JAG1: variants seen among roughly 807,000 people sequenced by gnomAD.
JAG1 encodes the protein protein jagged-1.
A neutral mutation model predicts 148.7 loss-of-function variants in JAG1; 23 were observed. That is an observed-to-expected ratio of 0.15 (90% CI 0.11 to 0.22). The LOEUF is 0.22. Among genes scored for constraint, JAG1 ranks in the 10% least tolerant of loss-of-function variants. JAG1 has a pLI of 1.00. For missense variants in JAG1, 1,054 were observed against 1,611.2 expected, an observed-to-expected ratio of 0.65 and a Z score of 5.92; for synonymous variants, 572 against 598.3, an observed-to-expected ratio of 0.96 and a Z score of 0.64.
chr20:10,673,411 G>C lies in JAG1; in HGVS notation c.81+39C>G. 1 of 1,382,434 alleles carries C rather than the reference G, an allele frequency of 7.2e-7. No individual in the cohort carries two copies. Among genetic ancestry groups the C allele is most frequent in the Non-Finnish European group, 9.6e-7 (1 of 1,043,334 alleles). The allele number at this position is 1,382,434 out of a possible 1,614,324, so 85.6% of individuals were successfully genotyped here. On this transcript the variant is annotated intron_variant, in intron 1 of 25. Transcript: ENST00000254958. The surrounding 1 kb of genome is among the most constrained non-coding windows in gnomAD (Gnocchi z 4.7). Reference sequence around the variant, plus strand: ...GCCCAGGGCGCCGCGAGGGGAGGGAGAGGACGGCTGGGAGGGAGGCCCGGA... The same window carrying C: ...GCCCAGGGCGCCGCGAGGGGAGGGACAGGACGGCTGGGAGGGAGGCCCGGA...
Position 10,642,374 on chromosome 20 carries a change from C to T in JAG1, c.2572+114G>A, listed in dbSNP as rs918363663. On this transcript the variant is annotated intron_variant, in intron 21 of 25. Transcript: ENST00000254958. ...TCACGTTCCCTTTCCCTTGTAGTCC[C>T]ACTGTGTGTTCCCTTCCCTGAGCAC... is the stretch of plus-strand genomic sequence containing the variant. 7.3e-6 allele frequency: 5 copies of T among 683,830 alleles called. No individual in the cohort carries two copies. The African/African-American group carries it at 9.5e-5, about 13-fold the overall frequency. The allele number at this position is 683,830 out of a possible 1,614,324, so 42.4% of individuals were successfully genotyped here. A position where few individuals can be genotyped will look rare whatever the true frequency, so the allele number is the denominator to read the frequency against.
rs1366947085 is a variant in JAG1, at chr20:10,648,906, G to A, written c.1395+155C>T. The A allele has an allele frequency of 3.1e-5, 27 of 875,340 alleles. No individual in the cohort carries two copies. The Admixed American group carries it at 5.5e-4, about 18-fold the overall frequency. 54.2% of individuals were successfully genotyped at this position (875,340 alleles called of 1,614,324 possible). On this transcript the variant is annotated intron_variant, in intron 11 of 25. Coordinates refer to ENST00000254958, the MANE Select transcript of JAG1 (RefSeq NM_000214.3). Reference sequence around the variant, plus strand: ...CATGCCTTCAAAATGACTCCCACGAGGCTGGGGTAACATAAGCCCTAGCGA... The same window carrying A: ...CATGCCTTCAAAATGACTCCCACGAAGCTGGGGTAACATAAGCCCTAGCGA...
chr20:10,651,723 G>A, intron 7 of JAG1, 29 bp from the exon 8 acceptor site: 1 of 1,417,964 alleles, frequency 7.1e-7, no homozygotes, highest in Non-Finnish European at 1.0e-6. Context: ...CAGTCAGAGA[G>A]GGATGCCTGC....
rs369078424 is a variant in JAG1 at position 10,639,484 on chromosome 20, G to A, written c.*14C>T. 5 of 1,610,660 alleles carry A rather than the reference G, an allele frequency of 3.1e-6. No homozygotes were observed. The African/African-American group carries it at 6.7e-5, about 22-fold the overall frequency. On this transcript the variant is annotated 3_prime_UTR_variant, in exon 26 of 26. Transcript: ENST00000254958. ...CCTCAGACTCTACCTAGCGGCGGCA[G>A]TGCCCGCGGTCTGCTATACGATGTA... is the stretch of plus-strand genomic sequence containing the variant.
At chr20:10,650,633 A>G (rs2067339606) in intron 8 of JAG1, 1 of 466,660 alleles carries the variant, frequency 2.1e-6, no homozygotes, top group East Asian at 4.1e-5. Context: ...CCCAGGAGGA[A>G]CACAGGACAT....
chr20:10,663,967 G>T lies in JAG1; in HGVS notation c.435C>A (p.Thr145=), dbSNP rs747879633. The part of the protein sequence containing the change: ...LVEAWDSSND[T]VQPDSIIEKA... ...GTCCACAGAAGCGATACTTACGAAC[G>T]GTGTCATTACTGGAATCCCACGCCT... The change falls in exon 3 of 26, where the codon ACC becomes ACA. Residue 145 remains threonine, a synonymous_variant. Transcript: ENST00000254958. 3.7e-6 allele frequency: 6 copies of T among 1,613,114 alleles called. No homozygotes were observed. In the South Asian group the frequency reaches 5.5e-5, roughly 15 times the overall value.
At chr20:10,646,870 CCAGGGGCAGAGG>C in intron 14 of JAG1, 57 bp downstream of exon 14, 1 of 1,463,544 alleles carries the variant, frequency 6.8e-7, no homozygotes. Context: ...CCAGGGTGGG[CCAGGGGCAGAGG>C]CAGGGGCAGG....
chr20:10,640,905 T>C lies in JAG1; in HGVS notation c.3077A>G (p.Asn1026Ser). 1 of 1,614,174 alleles carries C rather than the reference T, an allele frequency of 6.2e-7. No individual in the cohort carries two copies. Among genetic ancestry groups the C allele is most frequent in the Non-Finnish European group, 8.5e-7 (1 of 1,180,018 alleles). The change falls in exon 25 of 26, where the codon AAC becomes AGC. Residue 1026 changes from asparagine (N) to serine (S), a missense_variant. By Grantham distance (46) the Asn-to-Ser change is conservative. Coordinates refer to ENST00000254958, the MANE Select transcript of JAG1 (RefSeq NM_000214.3). ...TTTGTCAGTGATTTCCTTGATCGGG[T>C]TCCCATCATCCCGTATATCTTCAGC... ...ISAEDIRDDG[N>S]PIKEITDKII... is the part of the protein sequence containing the mutation.
At chr20:10,648,421 C>A in intron 12 of JAG1, 128 bp downstream of exon 12, 1 of 824,424 alleles carries the variant, frequency 1.2e-6, no homozygotes, top group Non-Finnish European at 2.1e-6. Context: ...GAGACTCTCT[C>A]ATCAATAGGA....
chr20:10,649,477 C>T, intron 10 of JAG1, 45 bp downstream of exon 10: 1 of 1,257,468 alleles, frequency 8.0e-7, no homozygotes. Context: ...AGCAAGTCGG[C>T]TACCCAAGTT....
chr20:10,642,654 G>C (rs1256869742), intron 20 of JAG1, 53 bp from the exon 21 acceptor site: 1 of 1,075,394 alleles, frequency 9.3e-7, no homozygotes, highest in East Asian at 2.4e-5. Flanking sequence ...GCAATGTTTT[G>C]AGATTGTTTT....
chr20:10,646,148 TC>T, intron 14 of JAG1, 64 bp from the exon 15 acceptor site: 1 of 1,185,530 alleles, frequency 8.4e-7, no homozygotes, highest in South Asian at 1.2e-5. Flanking sequence ...CAAGCACTGT[TC>T]AGCAGTTTTC....
rs2067332522 is a variant in JAG1 at position 10,649,604 on chromosome 20, T to A, written c.1266A>T (p.Val422=). ...TGAGATTCTTACAGGATTTGGCGTTTACACAAGGTTTGGCCTCACATTCAT... is the reference window on the plus strand; with the variant it reads ...TGAGATTCTTACAGGATTTGGCGTTAACACAAGGTTTGGCCTCACATTCAT... ...DANECEAKPC[V]NAKSCKNLIA... The change falls in exon 10 of 26, where the codon GTA becomes GTT. Residue 422 remains valine (V), a synonymous_variant. Coordinates refer to ENST00000254958, the MANE Select transcript of JAG1 (RefSeq NM_000214.3). The A allele has an allele frequency of 1.2e-6, 2 of 1,613,710 alleles. No individual in the cohort carries two copies. Among genetic ancestry groups the A allele is most frequent in the African/African-American group, 2.7e-5 (2 of 75,022 alleles).
At chr20:10,656,343 C>G in intron 5 of JAG1, 55 bp downstream of exon 5, 1 of 1,414,080 alleles carries the variant, frequency 7.1e-7, no homozygotes, top group Admixed American at 1.7e-5. Flanking sequence ...AAGTCAGTTC[C>G]TCTCTTACAT....
At chr20:10,664,313 G>C (rs1456610507) in intron 2 of JAG1, among the ~76,000 whole-genome samples, 4 of 151,416 alleles carry the variant, frequency 2.6e-5, no homozygotes, top group Non-Finnish European at 5.9e-5. Context: ...TATATGATAT[G>C]AGAGTATTTA....
At chr20:10,642,050 C>T (rs896865717) in intron 21 of JAG1, among the ~76,000 whole-genome samples, 158 bp from the exon 22 acceptor site, 13 of 152,172 alleles carry the variant, frequency 8.5e-5, no homozygotes, top group African/African-American at 3.1e-4. Context: ...CCTTTGCTGG[C>T]TCTGCGCTTG....
intron 11 of JAG1, 89 bp from the exon 12 acceptor site, chr20:10,648,811 G>A: frequency 7.5e-7 from 1 of 1,324,984 alleles, no homozygotes; most frequent in Non-Finnish European, 1.1e-6. Flanking sequence ...CATGACTGTT[G>A]CGGTTTAGCT....
At chr20:10,665,922 G>A (rs376994416) in intron 2 of JAG1, among the ~76,000 whole-genome samples, 18 of 152,238 alleles carry the variant, frequency 1.2e-4, no homozygotes, top group East Asian at 5.8e-4. Context: ...GCTCATCCTC[G>A]CCAGAACTGG....
rs1389065832 is a variant in JAG1 at position 10,646,035 on chromosome 20, G to A, written c.1935C>T (p.Ile645=). The A allele has an allele frequency of 1.2e-6, 2 of 1,613,846 alleles. No individual in the cohort carries two copies. Among genetic ancestry groups the A allele is most frequent in the South Asian group, 1.1e-5 (1 of 91,076 alleles). Residue 645 remains isoleucine, a synonymous_variant, in exon 15 of 26, where the codon ATC becomes ATT. Transcript: ENST00000254958. ...TGCACTTGTAGGAGTTGACACCATC[G>A]ATGCAAGTGCCACCGTTTCTACAAG... The part of the protein sequence containing the change: ...SNPCRNGGTC[I]DGVNSYKCIC...
Sources: gnomAD v4.1 joint callset for allele counts (sites outside exome capture counted in the v4.1 genomes callset) on GRCh38, gnomAD v4.1.1 for gene constraint, Gnocchi (gnomAD v3.1) non-coding constraint, MANE v1.5 for transcripts, NCBI Gene and HGNC (gene_info 2026-07-23, HGNC 2026-07-21) for gene names.